CYSTM1: variants seen among roughly 807,000 people sequenced by gnomAD.
CYSTM1 encodes the protein cysteine-rich transmembrane module-containing protein 1.
A neutral mutation model predicts 13.1 loss-of-function variants in CYSTM1; 4 were observed. The ratio of observed to expected loss-of-function variants is 0.31; its 90% CI spans 0.15 to 0.70. CYSTM1 has a LOEUF of 0.70. Among genes scored for constraint, CYSTM1 ranks in the 30% least tolerant of loss-of-function variants. CYSTM1 has a pLI of 0.72. For synonymous variants in CYSTM1, 36 were observed against 42.7 expected (o/e 0.84, Z 0.62); for missense variants, 96 against 121.6 (o/e 0.79, Z 0.99).
intron 2 of CYSTM1, among the ~76,000 whole-genome samples, chr5:140,221,532 G>A (rs1247000084): frequency 6.6e-6 from 1 of 152,214 alleles, no homozygotes; most frequent in Non-Finnish European, 1.5e-5. Flanking sequence ...CATCCATGCT[G>A]TAGCGTGTGT....
chr5:140,231,314 T>G (rs1010324740), intron 2 of CYSTM1, among the ~76,000 whole-genome samples: 4 of 152,232 alleles, frequency 2.6e-5, no homozygotes, highest in African/African-American at 9.6e-5. Context: ...TAGAAAATTT[T>G]AGCCCATCTT....
At position 140,243,578 on chromosome 5, in the gene CYSTM1, T is replaced by C; in HGVS notation, c.*167T>C. 1 of 534,820 alleles carries C rather than the reference T, an allele frequency of 1.9e-6. No individual in the cohort carries two copies. Among genetic ancestry groups the C allele is most frequent in the Non-Finnish European group, 3.3e-6 (1 of 304,810 alleles). The allele number at this position is 534,820 out of a possible 1,614,324, so 33.1% of individuals were successfully genotyped here. ...TTAATGGGGGTTGCTACTGTTTAAT[T>C]CAGTGACTTGATCTTTTTAATGTCC... On this transcript the variant is annotated 3_prime_UTR_variant, in exon 3 of 3. Transcript: ENST00000261811.
intron 1 of CYSTM1, among the ~76,000 whole-genome samples, chr5:140,193,527 T>G (rs1433522906): frequency 6.6e-6 from 1 of 152,202 alleles, no homozygotes; most frequent in East Asian, 1.9e-4. Flanking sequence ...TCCGCCCGCC[T>G]CGGCCTCCCA....
At chr5:140,234,505 T>C (rs1764654570) in intron 2 of CYSTM1, among the ~76,000 whole-genome samples, 1 of 152,248 alleles carries the variant, frequency 6.6e-6, no homozygotes, top group Admixed American at 6.5e-5. Flanking sequence ...CTAATGGGTA[T>C]TTAAGTGGGA....
rs557459915 is a variant in CYSTM1, at chr5:140,238,401, C to G, written c.188-4904C>G. Among the ~76,000 whole-genome samples, 5 of 152,300 alleles carry G rather than the reference C, an allele frequency of 3.3e-5. No individual in the cohort carries two copies. The South Asian group carries it at 8.3e-4, about 25-fold the overall frequency. On this transcript the variant is annotated intron_variant, in intron 2 of 2. Coordinates refer to ENST00000261811, the MANE Select transcript of CYSTM1 (RefSeq NM_032412.4). ...ACTACAGACCCTTGATTGCCTCTGC[C>G]CAGATATTCCCTGGAAGGACAGAAG...
At chr5:140,195,439 CTTTTTT>C (rs35389567) in intron 2 of CYSTM1, among the ~76,000 whole-genome samples, 1 of 101,364 alleles carries the variant, frequency 9.9e-6, no homozygotes, top group African/African-American at 3.9e-5. Context: ...GCCCTTTCAG[CTTTTTT>C]TTTTTTTTTT....
intron 2 of CYSTM1, among the ~76,000 whole-genome samples, chr5:140,199,526 T>G (rs1764200841): frequency 6.6e-6 from 1 of 151,920 alleles, no homozygotes; most frequent in South Asian, 2.1e-4. Context: ...AGTCTCACAC[T>G]GTCGCCCAGG....
intron 2 of CYSTM1, among the ~76,000 whole-genome samples, chr5:140,226,613 A>ATATATATATATATAT (rs61099181): frequency 0.011 from 962 of 84,590 alleles, 31 homozygotes; most frequent in South Asian, 0.023. Flanking sequence ...TATATATATA[A>ATATATATATATATAT]AAATTAGCCA....
At chr5:140,206,821 A>G (rs1275867515) in intron 2 of CYSTM1, among the ~76,000 whole-genome samples, 1 of 151,998 alleles carries the variant, frequency 6.6e-6, no homozygotes, top group Non-Finnish European at 1.5e-5. Flanking sequence ...TTTTGTAGAG[A>G]GGGGTCTCAC....
intron 1 of CYSTM1, among the ~76,000 whole-genome samples, chr5:140,177,759 C>A (rs1763908761): frequency 6.6e-6 from 1 of 152,128 alleles, no homozygotes; most frequent in Non-Finnish European, 1.5e-5. Context: ...AGGGGCTTTG[C>A]AGGAGCTTGT....
At chr5:140,182,807 A>G (rs1763974125) in intron 1 of CYSTM1, among the ~76,000 whole-genome samples, 1 of 152,104 alleles carries the variant, frequency 6.6e-6, no homozygotes, top group African/African-American at 2.4e-5. Context: ...AACAGAAGAA[A>G]GGGGGAGGGT....
At chr5:140,191,720 A>T (rs1232144977) in intron 1 of CYSTM1, among the ~76,000 whole-genome samples, 2 of 152,202 alleles carry the variant, frequency 1.3e-5, no homozygotes, top group Non-Finnish European at 2.9e-5. Flanking sequence ...CTACAGTTTT[A>T]ATGAAGTTAG....
chr5:140,223,936 G>A (rs189509501), intron 2 of CYSTM1, among the ~76,000 whole-genome samples: 2 of 152,232 alleles, frequency 1.3e-5, no homozygotes, highest in Admixed American at 1.3e-4. Context: ...TATACAGATC[G>A]ACCCCCAAAG....
chr5:140,197,870 T>C (rs1161316744), intron 2 of CYSTM1, among the ~76,000 whole-genome samples: 1 of 152,216 alleles, frequency 6.6e-6, no homozygotes, highest in Non-Finnish European at 1.5e-5. Flanking sequence ...TAGGGCTTAA[T>C]AAAGGTGTGA....
intron 2 of CYSTM1, among the ~76,000 whole-genome samples, chr5:140,218,071 G>A (rs554082034): frequency 2.6e-5 from 4 of 152,266 alleles, no homozygotes; most frequent in Admixed American, 6.5e-5. Flanking sequence ...GTGATAGCCC[G>A]CTCCAGCTAG....
chr5:140,236,458 A>G (rs1457797795), intron 2 of CYSTM1, among the ~76,000 whole-genome samples: 1 of 152,250 alleles, frequency 6.6e-6, no homozygotes, highest in Non-Finnish European at 1.5e-5. Flanking sequence ...TGCTGTAAAC[A>G]TAGACAATGG....
chr5:140,241,827 G>C (rs1389886591), intron 2 of CYSTM1, among the ~76,000 whole-genome samples: 1 of 152,150 alleles, frequency 6.6e-6, no homozygotes, highest in Non-Finnish European at 1.5e-5. Context: ...AGATGACTTT[G>C]CTGTAGCCCC....
chr5:140,201,724 T>G (rs956107222), intron 2 of CYSTM1: 6 of 152,216 alleles, frequency 3.9e-5, no homozygotes, highest in African/African-American at 1.4e-4. Context: ...CTTTCACTGT[T>G]TGTTTTGGTC....
At chr5:140,189,970 G>C (rs1488575314) in intron 1 of CYSTM1, among the ~76,000 whole-genome samples, 1 of 152,062 alleles carries the variant, frequency 6.6e-6, no homozygotes, top group African/African-American at 2.4e-5. Context: ...TGGAGATCAA[G>C]GGTCATTTCT....
Sources: allele counts gnomAD v4.1 joint callset (sites outside exome capture counted in the v4.1 genomes callset), GRCh38; gene constraint gnomAD v4.1.1; transcripts MANE v1.5; gene names NCBI Gene and HGNC (gene_info 2026-07-23, HGNC 2026-07-21).